Variants in CRIM1 observed in about 807,000 individuals in gnomAD.
The protein encoded by CRIM1 is cysteine rich transmembrane BMP regulator 1.
A neutral mutation model predicts 116.4 loss-of-function variants in CRIM1; 32 were observed. The observed-to-expected ratio is 0.27, with a 90% CI of 0.21 to 0.37. The LOEUF is 0.37. Among genes scored for constraint, CRIM1 ranks in the 10% least tolerant of loss-of-function variants. The probability of loss-of-function intolerance (pLI) is 1.00; values close to 1 mark genes in which losing one functional copy is unlikely to be tolerated. For synonymous variants in CRIM1, 590 were observed against 509.2 expected, an observed-to-expected ratio of 1.16 and a Z score of -2.13; for missense variants, 1,331 against 1,354.8, an observed-to-expected ratio of 0.98 and a Z score of 0.28.
Position 36,544,418 on chromosome 2 carries a change from C to A in CRIM1, c.2666C>A (p.Thr889Lys), listed in dbSNP as rs771482279. 7.0e-7 allele frequency: 1 copy of A among 1,428,106 alleles called. No individual in the cohort carries two copies. Among genetic ancestry groups the A allele is most frequent in the Admixed American group, 2.6e-5 (1 of 38,262 alleles). The allele number at this position is 1,428,106 out of a possible 1,614,324, so 88.5% of individuals were successfully genotyped here. Residue 889 changes from threonine to lysine, a missense_variant, in exon 15 of 17, where the codon ACA (threonine) becomes AAA (lysine). Around this residue, in one of 3 missense-constraint regions of CRIM1, gnomAD observed 283 missense variants for 242.8 expected, o/e 1.17. Transcript: ENST00000280527. ...CCAACCAATATACCCATTGAGAAGA[C>A]AAACCATCGAGGAGAGGTTGACCTG... is the stretch of plus-strand genomic sequence containing the variant. ...PEPTNIPIEKTNHRGEVDLEV... is the reference protein window; with the variant it reads ...PEPTNIPIEKKNHRGEVDLEV...
chr2:36,376,114 A>G (rs1356212170), intron 1 of CRIM1, among the ~76,000 whole-genome samples: 2 of 152,180 alleles, frequency 1.3e-5, no homozygotes, highest in Admixed American at 6.5e-5. Flanking sequence ...TAACCCCAAC[A>G]TAGGGCCTGT....
Position 36,479,546 on chromosome 2 carries a change from G to A in CRIM1, c.1224G>A (p.Leu408=). The A allele has an allele frequency of 1.4e-5, 23 of 1,614,216 alleles. No homozygotes were observed. The highest frequency in any genetic ancestry group is 1.9e-5 in the Non-Finnish European group (23 of 1,180,030). ...NNPAGCYANG[L]ILAHGDRWRE... ...CCGCTGGCTGCTATGCCAATGGCCT[G>A]ATCCTTGCCCACGGAGACCGGTGGC... The change falls in exon 7 of 17, where the codon CTG becomes CTA. Residue 408 remains leucine (L), a synonymous_variant. Coordinates refer to ENST00000280527, the MANE Select transcript of CRIM1 (RefSeq NM_016441.3).
intron 16 of CRIM1, among the ~76,000 whole-genome samples, chr2:36,548,040 G>C (rs1394595503): frequency 6.6e-6 from 1 of 152,168 alleles, no homozygotes; most frequent in Non-Finnish European, 1.5e-5. Flanking sequence ...CCTCTGTGCT[G>C]GGTCAGGATA....
At chr2:36,544,935 C>T (rs1238954163) in intron 15 of CRIM1, among the ~76,000 whole-genome samples, 1 of 152,216 alleles carries the variant, frequency 6.6e-6, no homozygotes, top group Non-Finnish European at 1.5e-5. Context: ...GTTTTCACTT[C>T]ATGTGAGCTA....
At chr2:36,406,419 C>T (rs892905777) in intron 2 of CRIM1, among the ~76,000 whole-genome samples, 2 of 152,118 alleles carry the variant, frequency 1.3e-5, no homozygotes, top group Admixed American at 1.3e-4. Context: ...ACTTGGGAAG[C>T]TAAAGGAAAA....
At chr2:36,540,604 T>C (rs2125177010) in intron 14 of CRIM1, among the ~76,000 whole-genome samples, 1 of 152,288 alleles carries the variant, frequency 6.6e-6, no homozygotes, top group African/African-American at 2.4e-5. Flanking sequence ...TTGGCAAGGA[T>C]TTTTCAGGCC....
chr2:36,439,288 G>T (rs1488518329), intron 2 of CRIM1, among the ~76,000 whole-genome samples: 2 of 152,126 alleles, frequency 1.3e-5, no homozygotes, highest in Admixed American at 6.5e-5. Flanking sequence ...ATTCTTTCTT[G>T]CCAAGTGCCT....
intron 6 of CRIM1, among the ~76,000 whole-genome samples, 182 bp downstream of exon 6, chr2:36,477,253 C>T (rs1679057808): frequency 6.6e-6 from 1 of 152,180 alleles, no homozygotes; most frequent in African/African-American, 2.4e-5. Flanking sequence ...TGTGTGGAAA[C>T]ACTTCCCTAA....
chr2:36,520,222 G>T (rs1421828635), intron 12 of CRIM1, among the ~76,000 whole-genome samples: 2 of 152,192 alleles, frequency 1.3e-5, no homozygotes, highest in African/African-American at 4.8e-5. Flanking sequence ...CTCAGTGAGA[G>T]CCCTGCAGAT....
chr2:36,518,062 G>A (rs893542124), intron 12 of CRIM1, among the ~76,000 whole-genome samples: 2 of 152,188 alleles, frequency 1.3e-5, no homozygotes, highest in African/African-American at 4.8e-5. Context: ...AGCATTAAGT[G>A]ACTAGCACTG....
intron 11 of CRIM1, among the ~76,000 whole-genome samples, chr2:36,515,729 C>T (rs1024182488): frequency 3.9e-5 from 6 of 152,174 alleles, no homozygotes; most frequent in South Asian, 2.1e-4. Flanking sequence ...GCATATCGTA[C>T]GGCAAAAAGG....
chr2:36,480,458 A>G (rs943918983), intron 7 of CRIM1, among the ~76,000 whole-genome samples: 2 of 152,260 alleles, frequency 1.3e-5, no homozygotes, highest in African/African-American at 4.8e-5. Flanking sequence ...GTACATTTGC[A>G]TAGTAAAATG....
At chr2:36,400,086 A>G (rs1337324618) in intron 2 of CRIM1, among the ~76,000 whole-genome samples, 1 of 152,118 alleles carries the variant, frequency 6.6e-6, no homozygotes, top group Non-Finnish European at 1.5e-5. Flanking sequence ...GTAGAAAGAG[A>G]GAGAGGGAGT....
chr2:36,367,950 G>C (rs1326931701), intron 1 of CRIM1, among the ~76,000 whole-genome samples: 1 of 152,190 alleles, frequency 6.6e-6, no homozygotes, highest in African/African-American at 2.4e-5. Flanking sequence ...GTAGGTGACA[G>C]AGACTGCAAA....
chr2:36,528,981 A>C (rs1665938022), intron 13 of CRIM1, among the ~76,000 whole-genome samples: 1 of 152,146 alleles, frequency 6.6e-6, no homozygotes, highest in African/African-American at 2.4e-5. Context: ...ACAGAAATTC[A>C]AGTTGTTCTG....
chr2:36,530,273 G>A (rs1257665082), intron 13 of CRIM1, among the ~76,000 whole-genome samples: 5 of 152,072 alleles, frequency 3.3e-5, no homozygotes, highest in South Asian at 2.1e-4. Context: ...GTGAGTCAGC[G>A]CATTGAAAAT....
Position 36,467,385 on chromosome 2 carries a change from C to T in CRIM1, c.991+2730C>T, listed in dbSNP as rs544656558. 7.9e-5 allele frequency among the ~76,000 whole-genome samples: 12 copies of T among 152,316 alleles called. No individual in the cohort carries two copies. In the South Asian group the frequency reaches 2.5e-3, roughly 32 times the overall value. The stretch of plus-strand genomic sequence containing the variant: ...TTTGATATATACATTCATACTCATA[C>T]ACACACATATATATTGATAGATGAA... On this transcript the variant is annotated intron_variant, in intron 5 of 16. Coordinates refer to ENST00000280527, the MANE Select transcript of CRIM1 (RefSeq NM_016441.3).
chr2:36,411,999 A>G (rs953723547), intron 2 of CRIM1, among the ~76,000 whole-genome samples: 2 of 152,156 alleles, frequency 1.3e-5, no homozygotes, highest in African/African-American at 4.8e-5. Context: ...TGCTTCCCGC[A>G]CACTAGTGAA....
At position 36,483,164 on chromosome 2, in the gene CRIM1, C is replaced by T. The variant is rs551391713; in HGVS notation, c.1372+3470C>T. ...TTGCTTTGTTGACTTTTCTCTACAT[C>T]TCTTGTTTATCGATCTCATTATTTT... On this transcript the variant is annotated intron_variant, in intron 7 of 16. Transcript: ENST00000280527. Among the ~76,000 whole-genome samples, 34 of 152,234 alleles carry T rather than the reference C, an allele frequency of 2.2e-4. No homozygotes were observed. In the South Asian group the frequency reaches 6.4e-3, roughly 29 times the overall value.
Sources: allele counts gnomAD v4.1 joint callset (sites outside exome capture counted in the v4.1 genomes callset), GRCh38; gene constraint gnomAD v4.1.1; regional missense constraint gnomAD v4.1.1; transcripts MANE v1.5; gene names NCBI Gene and HGNC (gene_info 2026-07-23, HGNC 2026-07-21).